TTC7B: variants seen among roughly 807,000 people sequenced by gnomAD.
The protein encoded by TTC7B is tetratricopeptide repeat protein 7B.
TTC7B carries 28 observed loss-of-function variants against 106.8 expected under a neutral mutation model. The ratio of observed to expected loss-of-function variants is 0.26; its 90% CI spans 0.19 to 0.36. The LOEUF (loss-of-function observed/expected upper bound fraction) is 0.36. Among genes scored for constraint, TTC7B ranks in the 10% least tolerant of loss-of-function variants. The pLI is 1.00. For synonymous variants in TTC7B, 405 were observed against 430.6 expected (o/e 0.94, Z 0.74); for missense variants, 862 against 1,076.4 (o/e 0.80, Z 2.79).
At chr14:90,712,058 A>C (rs1334298813) in intron 5 of TTC7B, among the ~76,000 whole-genome samples, 4 of 152,224 alleles carry the variant, frequency 2.6e-5, no homozygotes, top group Admixed American at 6.5e-5. Flanking sequence ...AAAAGGACAA[A>C]AAAATATATT....
chr14:90,741,301 A>T (rs1367509030), intron 4 of TTC7B, among the ~76,000 whole-genome samples: 1 of 152,202 alleles, frequency 6.6e-6, no homozygotes, highest in East Asian at 1.9e-4. Context: ...TCAGAAGCAC[A>T]ATTATGAAAA....
intron 19 of TTC7B, among the ~76,000 whole-genome samples, chr14:90,572,257 G>A (rs1444225060): frequency 6.6e-6 from 1 of 152,132 alleles, no homozygotes; most frequent in Non-Finnish European, 1.5e-5. Flanking sequence ...AGAAAGCTCC[G>A]ACTTCAGGCC....
chr14:90,685,857 A>G (rs1461644406), intron 7 of TTC7B, among the ~76,000 whole-genome samples: 3 of 152,138 alleles, frequency 2.0e-5, no homozygotes, highest in South Asian at 2.1e-4. Context: ...TTTAAAAAAA[A>G]ACAAAAAAAA....
intron 15 of TTC7B, among the ~76,000 whole-genome samples, chr14:90,629,193 T>C (rs1015772193): frequency 3.3e-5 from 5 of 152,184 alleles, no homozygotes; most frequent in Admixed American, 6.5e-5. Flanking sequence ...AGAATACTTA[T>C]AGGATAAATT....
At position 90,689,624 on chromosome 14, in the gene TTC7B, G is replaced by A. The variant is rs1368631677; in HGVS notation, c.866C>T (p.Ser289Leu). ...TTTGCGGAGAGGATCGTCCAGAGGT[G>A]ACTGGCACGGTGGATCCTCCAGAGG... is the stretch of plus-strand genomic sequence containing the variant. ...WNPLEDPPCQ[S>L]PLDDPLRKGA... The change falls in exon 7 of 20, where the codon TCA becomes TTA. Residue 289 changes from serine to leucine, a missense_variant. Physicochemically the swap from Ser to Leu is moderately radical, Grantham distance 145. Coordinates refer to ENST00000328459, the MANE Select transcript of TTC7B (RefSeq NM_001010854.2). 1 of 1,614,106 alleles carries A rather than the reference G, an allele frequency of 6.2e-7. No individual in the cohort carries two copies. Among genetic ancestry groups the A allele is most frequent in the Non-Finnish European group, 8.5e-7 (1 of 1,179,990 alleles).
intron 15 of TTC7B, among the ~76,000 whole-genome samples, chr14:90,629,839 G>C (rs951939487): frequency 6.6e-6 from 1 of 152,258 alleles, no homozygotes; most frequent in Admixed American, 6.5e-5. Context: ...CGGTCAGCCA[G>C]TGCTCTCTCC....
chr14:90,611,204 A>G (rs1892858002), intron 16 of TTC7B, among the ~76,000 whole-genome samples: 3 of 152,234 alleles, frequency 2.0e-5, no homozygotes. Flanking sequence ...AAGTGAGTCC[A>G]TGAACACGCC....
chr14:90,656,298 C>T (rs1348337847), intron 11 of TTC7B, among the ~76,000 whole-genome samples: 1 of 152,178 alleles, frequency 6.6e-6, no homozygotes, highest in East Asian at 1.9e-4. Flanking sequence ...TGAGCAAATC[C>T]TTTTTATTGC....
chr14:90,636,313 A>G (rs1434872127), intron 15 of TTC7B, among the ~76,000 whole-genome samples: 1 of 152,050 alleles, frequency 6.6e-6, no homozygotes, highest in Admixed American at 6.6e-5. Context: ...CTTGTATCTT[A>G]CAACATAATC....
Position 90,578,154 on chromosome 14 carries a change from T to C in TTC7B, c.2262A>G (p.Glu754=). 1.2e-6 allele frequency: 2 copies of C among 1,613,416 alleles called. No homozygotes were observed. Among genetic ancestry groups the C allele is most frequent in the South Asian group, 1.1e-5 (1 of 90,826 alleles). Residue 754 remains glutamate, a synonymous_variant, in exon 19 of 20, where the codon GAA becomes GAG. Coordinates refer to ENST00000328459, the MANE Select transcript of TTC7B (RefSeq NM_001010854.2). This position sits in a 1 kb window ranked among gnomAD's most constrained non-coding sequence, Gnocchi z 4.7. ...GGGTGGGGCTGATGGCTAAGGCCTC[T>C]TCATACCACCGCCGCGCCTCGTCCA... ...GSMDEARRWY[E]EALAISPTHV...
intron 1 of TTC7B, among the ~76,000 whole-genome samples, chr14:90,794,011 T>A (rs943250689): frequency 2.6e-5 from 4 of 151,896 alleles, no homozygotes; most frequent in Admixed American, 2.6e-4. Context: ...CAAGCAAGTC[T>A]CATGCCTCAG....
At chr14:90,583,206 C>G (rs1891572514) in intron 18 of TTC7B, among the ~76,000 whole-genome samples, 1 of 152,236 alleles carries the variant, frequency 6.6e-6, no homozygotes, top group Non-Finnish European at 1.5e-5. Context: ...TCCCAAAGCC[C>G]CTCACATAGA....
chr14:90,598,809 C>T (rs570278374), intron 17 of TTC7B, among the ~76,000 whole-genome samples: 85 of 152,318 alleles, frequency 5.6e-4, no homozygotes, highest in African/African-American at 2.0e-3. Flanking sequence ...CCTCTTCCAC[C>T]AAAGTTCATC....
chr14:90,746,475 G>A (rs554801860), intron 3 of TTC7B, among the ~76,000 whole-genome samples: 4 of 152,128 alleles, frequency 2.6e-5, no homozygotes, highest in Non-Finnish European at 5.9e-5. Flanking sequence ...CCTGATATCA[G>A]AGGTTTATCA....
chr14:90,695,064 T>TA (rs1887670261), intron 6 of TTC7B, among the ~76,000 whole-genome samples: 1 of 121,130 alleles, frequency 8.3e-6, no homozygotes, highest in Non-Finnish European at 1.7e-5. Flanking sequence ...TTTTATTTTA[T>TA]TATAAAATAT....
chr14:90,780,963 C>T, intron 2 of TTC7B, 57 bp from the exon 3 acceptor site: 3 of 1,523,482 alleles, frequency 2.0e-6, no homozygotes, highest in Admixed American at 3.4e-5. Flanking sequence ...GCATGATGCT[C>T]CCTCAGAGTC....
rs1055741205 is a variant in TTC7B, at chr14:90,757,190, G to A, written c.446-12268C>T. Among the ~76,000 whole-genome samples the A allele has an allele frequency of 6.6e-6, 1 of 152,034 alleles. No individual in the cohort carries two copies. Among genetic ancestry groups the A allele is most frequent in the African/African-American group, 2.4e-5 (1 of 41,378 alleles). ...TACATAGGCAAAAGAAAGCACCCCGGAAAGCTCCCCTGAACCACCCCGTTC... is the reference window on the plus strand; with the variant it reads ...TACATAGGCAAAAGAAAGCACCCCGAAAAGCTCCCCTGAACCACCCCGTTC... On this transcript the variant is annotated intron_variant, in intron 3 of 19. Transcript: ENST00000328459. The surrounding 1 kb of genome is among the most constrained non-coding windows in gnomAD (Gnocchi z 4.1).
chr14:90,635,969 A>C (rs1286432), intron 15 of TTC7B, among the ~76,000 whole-genome samples: 2,520 of 151,348 alleles, frequency 0.017, 63 homozygotes, highest in African/African-American at 0.058. Flanking sequence ...AAAAATACAA[A>C]AATTAGCTGG....
chr14:90,603,742 T>C (rs1456083118), intron 17 of TTC7B, among the ~76,000 whole-genome samples: 2 of 152,222 alleles, frequency 1.3e-5, no homozygotes, highest in Non-Finnish European at 2.9e-5. Context: ...CTTCAGATCT[T>C]GACTATCTGC....
Sources: allele counts gnomAD v4.1 joint callset (sites outside exome capture counted in the v4.1 genomes callset), GRCh38; gene constraint gnomAD v4.1.1; non-coding constraint Gnocchi (gnomAD v3.1); transcripts MANE v1.5; gene names NCBI Gene and HGNC (gene_info 2026-07-23, HGNC 2026-07-21).